Variants in RBFOX1 observed in about 807,000 individuals in gnomAD.
RBFOX1 encodes the protein RNA binding fox-1 homolog 1.
RBFOX1 carries 8 observed loss-of-function variants against 57.7 expected under a neutral mutation model. The ratio of observed to expected loss-of-function variants is 0.14; its 90% CI spans 0.08 to 0.25. The LOEUF is 0.25. Among genes scored for constraint, RBFOX1 ranks in the 10% least tolerant of loss-of-function variants. The pLI is 1.00. For synonymous variants in RBFOX1, 326 were observed against 222.4 expected, an observed-to-expected ratio of 1.47 and a Z score of -4.15; for missense variants, 611 against 548.5, an observed-to-expected ratio of 1.11 and a Z score of -1.14.
chr16:6,080,183 G>C (rs2095978832), intron 1 of RBFOX1, among the ~76,000 whole-genome samples: 1 of 152,170 alleles, frequency 6.6e-6, no homozygotes, highest in African/African-American at 2.4e-5. Flanking sequence ...TTCAGGGTTT[G>C]CCATCCCAAT....
chr16:5,814,404 C>T (rs562116548), intron 3 of RBFOX1, among the ~76,000 whole-genome samples: 103 of 152,312 alleles, frequency 6.8e-4, no homozygotes, highest in African/African-American at 2.4e-3. Flanking sequence ...CTTTTTCCCT[C>T]TTCCGAAGAA....
intron 3 of RBFOX1, among the ~76,000 whole-genome samples, chr16:6,801,476 T>C (rs1430570245): frequency 3.9e-5 from 6 of 152,178 alleles, no homozygotes; most frequent in Admixed American, 3.3e-4. Context: ...ATAAAGATTA[T>C]TGAGCCAGTT....
intron 2 of RBFOX1, among the ~76,000 whole-genome samples, chr16:6,581,086 G>A (rs762802159): frequency 9.2e-5 from 14 of 152,058 alleles, no homozygotes; most frequent in South Asian, 2.1e-4. Flanking sequence ...CTTTTTCCAT[G>A]CTGTGCCTTT....
intron 2 of RBFOX1, among the ~76,000 whole-genome samples, chr16:6,516,332 A>G (rs766989928): frequency 6.6e-6 from 1 of 152,212 alleles, no homozygotes; most frequent in Non-Finnish European, 1.5e-5. Context: ...ATAAGCTGCT[A>G]TCTAATCCTC....
At chr16:6,652,222 G>A (rs972140459) in intron 2 of RBFOX1, among the ~76,000 whole-genome samples, 6 of 152,056 alleles carry the variant, frequency 3.9e-5, no homozygotes, top group African/African-American at 1.2e-4. Flanking sequence ...AGGGCGAGGC[G>A]GGCAGATCAC....
intron 3 of RBFOX1, among the ~76,000 whole-genome samples, chr16:6,679,878 G>GTTTTTTTTTCTTTTTTTT (rs2058353845): frequency 8.7e-6 from 1 of 114,304 alleles, no homozygotes; most frequent in Non-Finnish European, 1.7e-5. Context: ...GTTTCTACTT[G>GTTTTTTTTTCTTTTTTTT]TTTTTTTTTT....
intron 1 of RBFOX1, among the ~76,000 whole-genome samples, chr16:6,160,858 G>C (rs1045260841): frequency 3.3e-5 from 5 of 152,160 alleles, no homozygotes; most frequent in African/African-American, 1.2e-4. Flanking sequence ...TTAATCTCGA[G>C]TGTCCTTTCC....
chr16:5,499,443 AC>A (rs2043113194), intron 2 of RBFOX1, among the ~76,000 whole-genome samples: 1 of 151,950 alleles, frequency 6.6e-6, no homozygotes, highest in African/African-American at 2.4e-5. Context: ...TCAACTCTTC[AC>A]CCGTCCTTTC....
At chr16:7,213,461 A>C (rs1280016385) in intron 4 of RBFOX1, among the ~76,000 whole-genome samples, 1 of 152,202 alleles carries the variant, frequency 6.6e-6, no homozygotes, top group African/African-American at 2.4e-5. Context: ...TCCATGAATC[A>C]GACTTTAATA....
chr16:5,465,766 T>C (rs2068933191), intron 1 of RBFOX1, among the ~76,000 whole-genome samples: 1 of 152,214 alleles, frequency 6.6e-6, no homozygotes, highest in South Asian at 2.1e-4. Context: ...GTGGCCTCAT[T>C]GAATCGTCAC....
intron 4 of RBFOX1, among the ~76,000 whole-genome samples, chr16:7,246,561 G>C (rs753277281): frequency 6.7e-6 from 1 of 150,230 alleles, no homozygotes; most frequent in African/African-American, 2.5e-5. Flanking sequence ...TTCCACAAAC[G>C]CCAAGCTTAT....
intron 3 of RBFOX1, among the ~76,000 whole-genome samples, chr16:5,788,684 C>G (rs553075594): frequency 6.8e-4 from 104 of 152,114 alleles, no homozygotes; most frequent in Admixed American, 2.0e-3. Flanking sequence ...CAAAGATAGG[C>G]CTTATTTAGC....
At chr16:5,995,653 C>A (rs1028655684) in intron 4 of RBFOX1, among the ~76,000 whole-genome samples, 2 of 152,062 alleles carry the variant, frequency 1.3e-5, no homozygotes, top group South Asian at 4.1e-4. Flanking sequence ...ACAAGTCAAC[C>A]CTTTGCTTCA....
intron 3 of RBFOX1, among the ~76,000 whole-genome samples, chr16:6,920,371 C>G (rs7202030): frequency 0.02 from 3,008 of 152,244 alleles, 95 homozygotes; most frequent in African/African-American, 0.067. Context: ...CAATCTCTCT[C>G]TTCTGCATGA....
intron 3 of RBFOX1, among the ~76,000 whole-genome samples, chr16:5,740,341 C>T (rs1187021293): frequency 6.6e-6 from 1 of 152,196 alleles, no homozygotes; most frequent in Non-Finnish European, 1.5e-5. Flanking sequence ...AAACAGGGTG[C>T]AGCACAGTCC....
At chr16:6,931,295 G>GTCTATCTATCTATCTA (rs1161231181) in intron 3 of RBFOX1, among the ~76,000 whole-genome samples, 2 of 136,158 alleles carry the variant, frequency 1.5e-5, no homozygotes, top group Non-Finnish European at 3.1e-5. Context: ...CTGTCTGTCT[G>GTCTATCTATCTATCTA]TCTATCTATC....
chr16:6,099,619 A>C (rs1416388471), intron 1 of RBFOX1, among the ~76,000 whole-genome samples: 1 of 152,210 alleles, frequency 6.6e-6, no homozygotes, highest in Non-Finnish European at 1.5e-5. Context: ...TAGTGGCTGT[A>C]CAACAAGCTG....
chr16:5,691,075 A>G (rs2050662772), intron 3 of RBFOX1, among the ~76,000 whole-genome samples: 1 of 152,190 alleles, frequency 6.6e-6, no homozygotes, highest in Non-Finnish European at 1.5e-5. Flanking sequence ...ATTCACCCTG[A>G]CTGTGGCTCT....
At chr16:6,509,496 T>C (rs983485904) in intron 2 of RBFOX1, among the ~76,000 whole-genome samples, 8 of 152,006 alleles carry the variant, frequency 5.3e-5, no homozygotes, top group African/African-American at 1.7e-4. Flanking sequence ...ATAATTGAAC[T>C]CATGGAGACA....
Sources: gnomAD v4.1 joint callset for allele counts (sites outside exome capture counted in the v4.1 genomes callset) on GRCh38, gnomAD v4.1.1 for gene constraint, MANE v1.5 for transcripts, NCBI Gene and HGNC (gene_info 2026-07-23, HGNC 2026-07-21) for gene names.